Variants in PCDH11X observed in about 807,000 individuals in gnomAD.
PCDH11X encodes the protein protocadherin-11 X-linked.
A neutral mutation model predicts 53.3 loss-of-function variants in PCDH11X; 18 were observed. The observed-to-expected ratio is 0.34, with a 90% CI of 0.23 to 0.50. The LOEUF (loss-of-function observed/expected upper bound fraction) is 0.50. PCDH11X is among the 20% of genes least tolerant of loss of function. PCDH11X has a pLI of 0.98. For synonymous variants in PCDH11X, 279 were observed against 393.3 expected (o/e 0.71, Z 3.44); for missense variants, 570 against 1,032.4 (o/e 0.55, Z 6.14).
At chrX:92,084,404 G>A (rs747232070) in intron 6 of PCDH11X, among the ~76,000 whole-genome samples, 7 of 108,827 alleles carry the variant, frequency 6.4e-5, no homozygotes, top group African/African-American at 2.0e-4. Flanking sequence ...AAAATTAGCC[G>A]GGTGTGGTGG....
chrX:92,036,616 A>G (rs1177019539), intron 6 of PCDH11X, among the ~76,000 whole-genome samples: 1 of 108,044 alleles, frequency 9.3e-6, no homozygotes, highest in Non-Finnish European at 1.9e-5. Context: ...TAAATTGTGC[A>G]GTCTTGGGTA....
intron 7 of PCDH11X, among the ~76,000 whole-genome samples, chrX:92,223,849 A>G (rs1026042063): frequency 9.0e-6 from 1 of 111,286 alleles, no homozygotes; most frequent in East Asian, 2.8e-4. Flanking sequence ...CCATATATAC[A>G]TATGGTGTAT....
chrX:91,882,203 A>G (rs1006772325), intron 6 of PCDH11X, among the ~76,000 whole-genome samples: 2 of 111,147 alleles, frequency 1.8e-5, no homozygotes, highest in African/African-American at 6.5e-5. Flanking sequence ...ATACGTTTCT[A>G]CATGTATTAT....
At chrX:92,543,775 C>CAA (rs748411956) in intron 10 of PCDH11X, among the ~76,000 whole-genome samples, 2 of 56,321 alleles carry the variant, frequency 3.6e-5, no homozygotes, top group African/African-American at 6.4e-5. Flanking sequence ...GAGACTCTGC[C>CAA]AAAAAAAAAA....
Position 92,424,809 on chromosome X carries a change from T to A in PCDH11X, c.3343+36876T>A, listed in dbSNP as rs2072069238. Among the ~76,000 whole-genome samples the A allele has an allele frequency of 2.1e-5, 2 of 97,384 alleles. 1 individual carries two copies. The highest frequency in any genetic ancestry group is 8.3e-4 in the South Asian group (2 of 2,400). 84.6% of individuals were successfully genotyped at this position (97,384 alleles called of 115,157 possible). A position where few individuals can be genotyped will look rare whatever the true frequency, so the allele number is the denominator to read the frequency against. On this transcript the variant is annotated intron_variant, in intron 9 of 10. Transcript: ENST00000682573. ...TTACCTTTCAGAGTCCTCGGGTAGT[T>A]GCCTTTTGTATATTTTCCAGAGATT...
In PCDH11X at chrX:91,877,101, T is replaced by C; in HGVS notation, c.861T>C (p.Ser287=). Residue 287 remains serine (S), a synonymous_variant, in exon 6 of 11, where the codon TCT becomes TCC. Coordinates refer to ENST00000682573, the MANE Select transcript of PCDH11X (RefSeq NM_032968.5). ...GTGAAAATGCCAAGATCCACTTCTC[T>C]TTCAGCAATCTAGTCTCCAACATTG... The part of the protein sequence containing the change: ...DIGENAKIHF[S]FSNLVSNIAR... 1.8e-6 allele frequency: 2 copies of C among 1,135,098 alleles called. No homozygotes were observed. The highest frequency in any genetic ancestry group is 6.1e-5 in the East Asian group (2 of 33,055). The allele number at this position is 1,135,098 out of a possible 1,213,427, so 93.5% of individuals were successfully genotyped here.
At chrX:92,013,715 C>T (rs1384602085) in intron 6 of PCDH11X, among the ~76,000 whole-genome samples, 4 of 111,197 alleles carry the variant, frequency 3.6e-5, no homozygotes. Flanking sequence ...ACAGAGCCCT[C>T]AGAAATAACG....
At chrX:91,792,535 G>A (rs1294917542) in intron 1 of PCDH11X, among the ~76,000 whole-genome samples, 1 of 110,767 alleles carries the variant, frequency 9.0e-6, no homozygotes, top group Non-Finnish European at 1.9e-5. Flanking sequence ...TTAGCCAGAA[G>A]ACAATACTGT....
chrX:92,336,402 G>A (rs781545006), intron 8 of PCDH11X, among the ~76,000 whole-genome samples: 119 of 111,612 alleles, frequency 1.1e-3, no homozygotes, highest in African/African-American at 3.9e-3. Context: ...GGTAGTCCAT[G>A]TTTCTGATAA....
chrX:92,194,460 C>A (rs1385226202), intron 6 of PCDH11X, among the ~76,000 whole-genome samples: 1 of 110,932 alleles, frequency 9.0e-6, no homozygotes, highest in East Asian at 2.8e-4. Context: ...TGGCACCTAT[C>A]TTAATTAGCT....
chrX:91,986,350 A>G (rs2062228206), intron 6 of PCDH11X, among the ~76,000 whole-genome samples: 3 of 112,005 alleles, frequency 2.7e-5, no homozygotes, highest in South Asian at 3.7e-4. Flanking sequence ...TGTATGAATC[A>G]ACCATTTTAA....
intron 6 of PCDH11X, among the ~76,000 whole-genome samples, chrX:91,901,865 G>A (rs184488825): frequency 1.1e-4 from 12 of 111,860 alleles, no homozygotes; most frequent in Non-Finnish European, 7.5e-5. Context: ...GACAGTATGG[G>A]AATAATTCCT....
chrX:92,173,476 A>G (rs2065854361), intron 6 of PCDH11X, among the ~76,000 whole-genome samples: 1 of 110,785 alleles, frequency 9.0e-6, no homozygotes. Context: ...GACAAGGAAG[A>G]CCATACCATT....
Position 91,819,945 on chromosome X carries a change from G to T in PCDH11X, c.-45+8650G>T, listed in dbSNP as rs1289254115. 2.2e-3 allele frequency among the ~76,000 whole-genome samples: 216 copies of T among 98,966 alleles called. 1 individual carries two copies. Among genetic ancestry groups the T allele is most frequent in the African/African-American group, 8.2e-3 (213 of 25,901 alleles). The allele number at this position is 98,966 out of a possible 115,157, so 85.9% of individuals were successfully genotyped here. A position where few individuals can be genotyped will look rare whatever the true frequency, so the allele number is the denominator to read the frequency against. ...TGTTTGGTTTTTTGTTCTTGCGATAGTTTACTGAGAATGATGATTTCCAAT... is the reference window on the plus strand; with the variant it reads ...TGTTTGGTTTTTTGTTCTTGCGATATTTTACTGAGAATGATGATTTCCAAT... On this transcript the variant is annotated intron_variant, in intron 4 of 10. Coordinates refer to ENST00000682573, the MANE Select transcript of PCDH11X (RefSeq NM_032968.5).
intron 10 of PCDH11X, among the ~76,000 whole-genome samples, chrX:92,504,913 C>A (rs1226981645): frequency 9.1e-6 from 1 of 110,415 alleles, no homozygotes; most frequent in African/African-American, 3.3e-5. Context: ...TGCTTGTTGG[C>A]CAAGTGTATG....
intron 5 of PCDH11X, among the ~76,000 whole-genome samples, chrX:91,858,631 G>A (rs1032919679): frequency 8.3e-5 from 9 of 108,182 alleles, no homozygotes; most frequent in East Asian, 5.9e-4. Context: ...TTCTTCTGCC[G>A]GATACCCTAA....
At chrX:92,329,240 T>G (rs1268075319) in intron 8 of PCDH11X, among the ~76,000 whole-genome samples, 1 of 111,519 alleles carries the variant, frequency 9.0e-6, no homozygotes, top group African/African-American at 3.2e-5. Context: ...TAACATTTAC[T>G]TGTTATAGAA....
At chrX:92,343,741 A>T (rs778410187) in intron 8 of PCDH11X, among the ~76,000 whole-genome samples, 1 of 111,754 alleles carries the variant, frequency 8.9e-6, no homozygotes, top group South Asian at 3.7e-4. Context: ...GAAGCTTGTG[A>T]AAATAATACT....
Position 92,053,834 on chromosome X carries a change from G to T in PCDH11X, c.3034-147541G>T, listed in dbSNP as rs753997215. Among the ~76,000 whole-genome samples the T allele has an allele frequency of 1.8e-5, 2 of 111,471 alleles. 1 individual carries two copies. The highest frequency in any genetic ancestry group is 1.9e-4 in the Admixed American group (2 of 10,461). The stretch of plus-strand genomic sequence containing the variant: ...TCCACTTGCCTCGGCCTCCCAAAGT[G>T]CTGGGATTGTAGGCGTGAGCCACTG... On this transcript the variant is annotated intron_variant, in intron 6 of 10. Coordinates refer to ENST00000682573, the MANE Select transcript of PCDH11X (RefSeq NM_032968.5).
Sources: gnomAD v4.1 joint callset for allele counts (sites outside exome capture counted in the v4.1 genomes callset) on GRCh38, gnomAD v4.1.1 for gene constraint, MANE v1.5 for transcripts, NCBI Gene and HGNC (gene_info 2026-07-23, HGNC 2026-07-21) for gene names.